ST14: variants seen among roughly 807,000 people sequenced by gnomAD.
The protein encoded by ST14 is suppressor of tumorigenicity 14 protein.
In ST14, 40 loss-of-function variants were observed where a neutral mutation model predicts 96.5. The observed-to-expected ratio is 0.41, with a 90% CI of 0.32 to 0.54. The LOEUF is 0.54. Ranked by LOEUF, ST14 falls within the 20% of genes least tolerant of loss-of-function variation. ST14 has a pLI of 0.17. For synonymous variants in ST14, 506 were observed against 492.1 expected, an observed-to-expected ratio of 1.03 and a Z score of -0.37; for missense variants, 1,066 against 1,188.9, an observed-to-expected ratio of 0.90 and a Z score of 1.52.
chr11:130,195,851 TCAAA>T (rs1565625973), intron 9 of ST14, among the ~76,000 whole-genome samples: 18 of 142,668 alleles, frequency 1.3e-4, no homozygotes, highest in Non-Finnish European at 1.5e-4. Context: ...AGACTTTGTC[TCAAA>T]AAAAAAAAAA....
chr11:130,188,990 T>G lies in ST14; in HGVS notation c.440+51T>G, dbSNP rs1186421174. On this transcript the variant is annotated intron_variant, in intron 4 of 18. Transcript: ENST00000278742. The surrounding 1 kb of genome is among the most constrained non-coding windows in gnomAD (Gnocchi z 5.4). ...GGATGCACCCCAGACTGGCTGGGAG[T>G]AGGATCGGGGTACAGTGTGTGGGGC... 1.3e-6 allele frequency: 2 copies of G among 1,559,312 alleles called. No individual in the cohort carries two copies. Among genetic ancestry groups the G allele is most frequent in the Non-Finnish European group, 1.7e-6 (2 of 1,144,766 alleles).
chr11:130,194,143 C>G lies in ST14; in HGVS notation c.876-6C>G. On this transcript the variant is annotated splice_region_variant and splice_polypyrimidine_tract_variant and intron_variant, in intron 7 of 18. Coordinates refer to ENST00000278742, the MANE Select transcript of ST14 (RefSeq NM_021978.4). The stretch of plus-strand genomic sequence containing the variant: ...TCTTCCTAATGCCCGCCCTCTGCCC[C>G]CACAGGTTGTGTGGCACCTACCCTC... 1.2e-6 allele frequency: 2 copies of G among 1,614,204 alleles called. No homozygotes were observed. The highest frequency in any genetic ancestry group is 1.7e-6 in the Non-Finnish European group (2 of 1,180,036).
rs1953289611 is a variant in ST14 at position 130,190,777 on chromosome 11, C to T, written c.875+83C>T. ...GCCAGCTTCTTCAACGATTGGGATA[C>T]AGTTTATGACTCTTGGCCGCAGGCC... On this transcript the variant is annotated intron_variant, in intron 7 of 18. Transcript: ENST00000278742. The T allele has an allele frequency of 3.4e-6, 5 of 1,455,098 alleles. No homozygotes were observed. In the African/African-American group the frequency reaches 7.1e-5, roughly 21 times the overall value. 90.1% of individuals were successfully genotyped at this position (1,455,098 alleles called of 1,614,324 possible).
intron 7 of ST14, 101 bp downstream of exon 7, chr11:130,190,795 C>CTGCGGCCAAGA: frequency 6.4e-6 from 9 of 1,399,726 alleles, no homozygotes; most frequent in Non-Finnish European, 8.5e-6. Context: ...GACTCTTGGC[C>CTGCGGCCAAGA]GCAGGCCACT....
intron 1 of ST14, among the ~76,000 whole-genome samples, chr11:130,173,710 C>T (rs963665251): frequency 1.3e-5 from 2 of 152,148 alleles, no homozygotes; most frequent in East Asian, 1.9e-4. Context: ...TCCAGGATCC[C>T]AGGAGCCAAT....
chr11:130,188,056 G>A lies in ST14; in HGVS notation c.82-58G>A, dbSNP rs1394750121. 1.1e-5 allele frequency: 17 copies of A among 1,596,810 alleles called. No individual in the cohort carries two copies. The highest frequency in any genetic ancestry group is 4.5e-5 in the East Asian group (2 of 44,348). ...ACAAAATGTGAACATCTTCCCCAGC[G>A]GGGTGCAGGGGAAGAGCGGGTGAGA... is the stretch of plus-strand genomic sequence containing the variant. On this transcript the variant is annotated intron_variant, in intron 1 of 18. Coordinates refer to ENST00000278742, the MANE Select transcript of ST14 (RefSeq NM_021978.4). This position sits in a 1 kb window ranked among gnomAD's most constrained non-coding sequence, Gnocchi z 5.4.
intron 16 of ST14, among the ~76,000 whole-genome samples, chr11:130,202,693 G>C (rs909962251): frequency 6.6e-6 from 1 of 152,208 alleles, no homozygotes; most frequent in African/African-American, 2.4e-5. Context: ...ATTGGGCACT[G>C]CCGGGAGGCG....
chr11:130,209,320 T>G (rs2124059), intron 17 of ST14, 122 bp from the exon 18 acceptor site: 109,795 of 1,330,742 alleles, frequency 0.083, 5,214 homozygotes, highest in African/African-American at 0.17. Flanking sequence ...ATTACCCGTT[T>G]GTCAGCCCCG....
intron 1 of ST14, among the ~76,000 whole-genome samples, chr11:130,164,143 C>T (rs76318173): frequency 1.3e-3 from 198 of 152,292 alleles, no homozygotes; most frequent in African/African-American, 4.2e-3. Context: ...GGAAGGGAAA[C>T]GTGACAGAGT....
At chr11:130,172,434 T>G (rs1422723358) in intron 1 of ST14, among the ~76,000 whole-genome samples, 1 of 147,112 alleles carries the variant, frequency 6.8e-6, no homozygotes, top group Non-Finnish European at 1.5e-5. Flanking sequence ...TTTTTTTTTT[T>G]TGAGACAGAG....
intron 1 of ST14, among the ~76,000 whole-genome samples, chr11:130,182,513 A>G (rs533849467): frequency 2.8e-4 from 42 of 152,054 alleles, no homozygotes; most frequent in Middle Eastern, 3.4e-3. Flanking sequence ...TGTCTTTCTT[A>G]TCATTCACTG....
chr11:130,198,351 C>T lies in ST14; in HGVS notation c.1503C>T (p.Cys501=). The change falls in exon 13 of 19, where the codon TGC becomes TGT. Residue 501 remains cysteine, a synonymous_variant. Coordinates refer to ENST00000278742, the MANE Select transcript of ST14 (RefSeq NM_021978.4). ...GHQFTCKNKF[C]KPLFWVCDSV... is the part of the protein sequence containing the mutation. ...AGTTCACGTGCAAGAACAAGTTCTG[C>T]AAGCCCCTCTTCTGGGTCTGCGACA... The T allele has an allele frequency of 6.2e-7, 1 of 1,614,178 alleles. No homozygotes were observed. Among genetic ancestry groups the T allele is most frequent in the Non-Finnish European group, 8.5e-7 (1 of 1,180,026 alleles).
At chr11:130,161,683 C>T (rs1304330332) in intron 1 of ST14, among the ~76,000 whole-genome samples, 1 of 152,204 alleles carries the variant, frequency 6.6e-6, no homozygotes, top group Non-Finnish European at 1.5e-5. Context: ...CTGCGAAGCT[C>T]ATTTGCTCTC....
At chr11:130,179,954 C>A (rs1324368227) in intron 1 of ST14, among the ~76,000 whole-genome samples, 1 of 152,224 alleles carries the variant, frequency 6.6e-6, no homozygotes, top group African/African-American at 2.4e-5. Flanking sequence ...ATGCTTTCTT[C>A]CCCGGGGAAA....
chr11:130,190,003 C>G (rs1953279475), intron 5 of ST14, 107 bp downstream of exon 5: 3 of 1,610,152 alleles, frequency 1.9e-6, no homozygotes, highest in Non-Finnish European at 2.5e-6. Flanking sequence ...CCCAGTGCCC[C>G]AGAGAGAAGA....
chr11:130,186,951 C>T (rs1953243493), intron 1 of ST14, among the ~76,000 whole-genome samples: 1 of 152,096 alleles, frequency 6.6e-6, no homozygotes, highest in African/African-American at 2.4e-5. Flanking sequence ...AATTAGGAAA[C>T]TAAAATTGGA....
intron 9 of ST14, 142 bp from the exon 10 acceptor site, chr11:130,196,197 G>T (rs996860215): frequency 2.5e-4 from 175 of 708,528 alleles, no homozygotes; most frequent in Admixed American, 1.6e-4. Flanking sequence ...AAACAAACAC[G>T]CTGGGAGAAC....
chr11:130,205,996 C>T (rs1953482909), intron 16 of ST14, among the ~76,000 whole-genome samples: 1 of 152,168 alleles, frequency 6.6e-6, no homozygotes, highest in African/African-American at 2.4e-5. Context: ...CATGCCCAGC[C>T]TTCTTCGGAG....
At chr11:130,190,398 C>G in intron 6 of ST14, 56 bp from the exon 7 acceptor site, 1 of 1,600,556 alleles carries the variant, frequency 6.2e-7, no homozygotes, top group Non-Finnish European at 8.5e-7. Context: ...AGGGTCCTCC[C>G]CCAGCTCTGC....
Sources: allele counts gnomAD v4.1 joint callset (sites outside exome capture counted in the v4.1 genomes callset), GRCh38; gene constraint gnomAD v4.1.1; non-coding constraint Gnocchi (gnomAD v3.1); transcripts MANE v1.5; gene names NCBI Gene and HGNC (gene_info 2026-07-23, HGNC 2026-07-21).